PTPRD: variants seen among roughly 807,000 people sequenced by gnomAD.
The protein encoded by PTPRD is protein tyrosine phosphatase receptor type D.
PTPRD carries 34 observed loss-of-function variants against 214.5 expected under a neutral mutation model. The observed-to-expected ratio is 0.16, with a 90% CI of 0.12 to 0.21. The LOEUF is 0.21. Among genes scored for constraint, PTPRD ranks in the 10% least tolerant of loss-of-function variants. PTPRD has a pLI of 1.00. For missense variants in PTPRD, 2,545 were observed against 2,398.7 expected (o/e 1.06, Z -1.27); for synonymous variants, 1,128 against 845.7 (o/e 1.33, Z -5.79).
At chr9:10,529,500 A>C (rs10809113) in intron 2 of PTPRD, among the ~76,000 whole-genome samples, 1 of 150,448 alleles carries the variant, frequency 6.6e-6, no homozygotes, top group African/African-American at 2.5e-5. Flanking sequence ...GTTCTCACTC[A>C]TAAGTGGGAG....
intron 8 of PTPRD, among the ~76,000 whole-genome samples, chr9:9,537,090 G>C (rs2076678386): frequency 6.6e-6 from 1 of 151,840 alleles, no homozygotes; most frequent in South Asian, 2.1e-4. Flanking sequence ...CTCACACACA[G>C]CATATAAGGC....
intron 11 of PTPRD, among the ~76,000 whole-genome samples, chr9:8,910,984 C>T (rs902642655): frequency 6.6e-6 from 1 of 152,124 alleles, no homozygotes; most frequent in Non-Finnish European, 1.5e-5. Flanking sequence ...CCATATTCAT[C>T]GATTAAAGAC....
intron 6 of PTPRD, among the ~76,000 whole-genome samples, chr9:9,756,249 C>T (rs1440730409): frequency 6.6e-6 from 1 of 152,078 alleles, no homozygotes; most frequent in Non-Finnish European, 1.5e-5. Context: ...GATTCATTAG[C>T]TTCTAAATAA....
chr9:9,410,996 A>C (rs1370547707), intron 8 of PTPRD, among the ~76,000 whole-genome samples: 1 of 152,104 alleles, frequency 6.6e-6, no homozygotes, highest in African/African-American at 2.4e-5. Context: ...AGTAGGCCAA[A>C]TATACATGTT....
intron 11 of PTPRD, among the ~76,000 whole-genome samples, chr9:8,752,257 G>A (rs746720977): frequency 2.0e-5 from 3 of 152,284 alleles, no homozygotes; most frequent in Non-Finnish European, 1.5e-5. Context: ...TTGCAGTAAA[G>A]AAGCCTGCTA....
chr9:9,979,024 AT>A (rs1426683520), intron 4 of PTPRD, among the ~76,000 whole-genome samples: 1 of 152,102 alleles, frequency 6.6e-6, no homozygotes, highest in Non-Finnish European at 1.5e-5. Flanking sequence ...TACACCAGTA[AT>A]TCTATTCTCA....
intron 2 of PTPRD, among the ~76,000 whole-genome samples, chr9:10,394,333 CTT>C (rs1482901567): frequency 6.6e-6 from 1 of 150,664 alleles, no homozygotes; most frequent in African/African-American, 2.4e-5. Context: ...AGTTTAGTAA[CTT>C]AGATATAATT....
intron 10 of PTPRD, among the ~76,000 whole-genome samples, chr9:9,126,175 G>A (rs952868382): frequency 6.6e-6 from 1 of 152,126 alleles, no homozygotes; most frequent in African/African-American, 2.4e-5. Flanking sequence ...AAGCAGGAGG[G>A]GGATATAAGC....
rs777910266 is a variant in PTPRD, at chr9:9,058,442, G to GTTTTTTTTTTTTTTTTTTTTTTTTT, written c.-142-39732_-142-39708dup. Among the ~76,000 whole-genome samples, 4 of 69,916 alleles carry GTTTTTTTTTTTTTTTTTTTTTTTTT rather than the reference G, an allele frequency of 5.7e-5. 1 individual carries two copies. Among genetic ancestry groups the GTTTTTTTTTTTTTTTTTTTTTTTTT allele is most frequent in the Non-Finnish European group, 5.3e-5 (2 of 38,076 alleles). 45.9% of individuals were successfully genotyped at this position (69,916 alleles called of 152,430 possible). ...TATTGGTGAGAGAAATATTATGAGG[G>GTTTTTTTTTTTTTTTTTTTTTTTTT]TTTTTTTTTTTTTTTTTTTTTTTTT... On this transcript the variant is annotated intron_variant, in intron 10 of 45. Coordinates refer to ENST00000381196, the MANE Select transcript of PTPRD (RefSeq NM_002839.4).
chr9:9,467,588 C>CAAAAAAAAAAACAAAAAA (rs2094289049), intron 8 of PTPRD, among the ~76,000 whole-genome samples: 1 of 55,954 alleles, frequency 1.8e-5, no homozygotes, highest in Non-Finnish European at 3.2e-5. Context: ...CTCCATCTCC[C>CAAAAAAAAAAACAAAAAA]AAAAAAAAAA....
chr9:9,819,551 G>T (rs1243228209), intron 5 of PTPRD, among the ~76,000 whole-genome samples: 1 of 152,066 alleles, frequency 6.6e-6, no homozygotes, highest in Non-Finnish European at 1.5e-5. Context: ...ACATGTGCAG[G>T]TTTGTTACCT....
chr9:8,693,948 T>G (rs1206890067), intron 12 of PTPRD, among the ~76,000 whole-genome samples: 1 of 152,236 alleles, frequency 6.6e-6, no homozygotes, highest in Non-Finnish European at 1.5e-5. Flanking sequence ...AAGATGCAGA[T>G]GTTTTAATAA....
In PTPRD at chr9:9,617,735, C is replaced by T. The variant is rs181785330; in HGVS notation, c.-286-42954G>A. ...AGGATGGTGAGGGTGTCCTCTAAGC[C>T]TTGGAAGGATGTTTAGATGTTTTTA... On this transcript the variant is annotated intron_variant, in intron 7 of 45. Transcript: ENST00000381196. 1.9e-3 allele frequency among the ~76,000 whole-genome samples: 288 copies of T among 151,990 alleles called. 1 individual carries two copies. The highest frequency in any genetic ancestry group is 3.4e-3 in the Non-Finnish European group (232 of 67,960).
At chr9:9,327,576 G>T (rs188808820) in intron 9 of PTPRD, among the ~76,000 whole-genome samples, 31 of 152,206 alleles carry the variant, frequency 2.0e-4, no homozygotes, top group African/African-American at 7.5e-4. Context: ...ATGACAGATA[G>T]TAATAACATC....
intron 38 of PTPRD, among the ~76,000 whole-genome samples, 158 bp from the exon 39 acceptor site, chr9:8,376,248 A>G (rs966374303): frequency 6.6e-6 from 1 of 152,110 alleles, no homozygotes; most frequent in African/African-American, 2.4e-5. Flanking sequence ...AGAAACCCCA[A>G]GCTATTTGTA....
intron 3 of PTPRD, among the ~76,000 whole-genome samples, chr9:10,103,598 G>A (rs1428445474): frequency 6.6e-6 from 1 of 151,154 alleles, no homozygotes; most frequent in Non-Finnish European, 1.5e-5. Flanking sequence ...TTGTGCTTTT[G>A]TCTTAGGTTT....
chr9:8,753,388 G>C (rs2093702097), intron 11 of PTPRD, among the ~76,000 whole-genome samples: 1 of 152,194 alleles, frequency 6.6e-6, no homozygotes, highest in African/African-American at 2.4e-5. Flanking sequence ...CCTTAAGCAG[G>C]TTCTGCCGGG....
intron 12 of PTPRD, chr9:8,700,745 A>G (rs2098060087): frequency 6.6e-6 from 1 of 152,264 alleles, no homozygotes; most frequent in South Asian, 2.1e-4. Context: ...GCAGACATAC[A>G]ACTTTCAAAT....
At chr9:8,831,756 C>G (rs1052972238) in intron 11 of PTPRD, among the ~76,000 whole-genome samples, 2 of 152,212 alleles carry the variant, frequency 1.3e-5, no homozygotes, top group African/African-American at 4.8e-5. Context: ...GGTTTCAACA[C>G]TGTATCACTT....
Sources: gnomAD v4.1 joint callset for allele counts (sites outside exome capture counted in the v4.1 genomes callset) on GRCh38, gnomAD v4.1.1 for gene constraint, MANE v1.5 for transcripts, NCBI Gene and HGNC (gene_info 2026-07-23, HGNC 2026-07-21) for gene names.